The following MYBPHL variants were observed in gnomAD, a reference collection of about 807,000 sequenced individuals.
MYBPHL encodes myosin-binding protein H-like.
In MYBPHL, 32 loss-of-function variants were observed where a neutral mutation model predicts 39.5. The observed-to-expected ratio is 0.81, with a 90% CI of 0.61 to 1.09. MYBPHL has a LOEUF of 1.09. Ranked by LOEUF, MYBPHL falls within the 50% of genes least tolerant of loss-of-function variation. The pLI is 0.00. For missense variants in MYBPHL, 456 were observed against 460.2 expected (o/e 0.99, Z 0.08); for synonymous variants, 196 against 183.7 (o/e 1.07, Z -0.54).
intron 1 of MYBPHL, among the ~76,000 whole-genome samples, chr1:109,305,455 C>T (rs768813805): frequency 2.0e-5 from 3 of 152,144 alleles, no homozygotes; most frequent in Non-Finnish European, 4.4e-5. Flanking sequence ...TTTGCGGGCC[C>T]GTGACTGGGG....
At chr1:109,295,411 G>C in intron 6 of MYBPHL, 114 bp from the exon 7 acceptor site, 3 of 947,234 alleles carry the variant, frequency 3.2e-6, no homozygotes, top group Non-Finnish European at 4.6e-6. Flanking sequence ...TTTCTGGAAG[G>C]CTCCCTGTTC....
intron 6 of MYBPHL, among the ~76,000 whole-genome samples, chr1:109,295,895 G>A (rs997336793): frequency 3.9e-5 from 6 of 152,146 alleles, no homozygotes; most frequent in Admixed American, 3.3e-4. Context: ...GCATGTGCAC[G>A]GCCCTGATGG....
intron 1 of MYBPHL, among the ~76,000 whole-genome samples, chr1:109,299,981 C>T (rs150166776): frequency 6.6e-5 from 10 of 152,312 alleles, no homozygotes; most frequent in African/African-American, 2.4e-4. Flanking sequence ...AAAAGAGGGC[C>T]GTACTTGGAA....
intron 1 of MYBPHL, among the ~76,000 whole-genome samples, chr1:109,301,124 G>C (rs56218586): frequency 0.045 from 6,911 of 152,266 alleles, 188 homozygotes; most frequent in Non-Finnish European, 0.062. Context: ...CTCATTTGAG[G>C]CATCTCTTTT....
chr1:109,295,024 G>T (rs1658005270), intron 7 of MYBPHL, 87 bp downstream of exon 7: 2 of 1,392,368 alleles, frequency 1.4e-6, no homozygotes, highest in Admixed American at 1.9e-5. Context: ...CTCCCCCTAG[G>T]CTTGCGTCTC....
At position 109,298,367 on chromosome 1, in the gene MYBPHL, C is replaced by T. The variant is rs1046438003; in HGVS notation, c.146-110G>A. 2.7e-5 allele frequency: 25 copies of T among 940,284 alleles called. No homozygotes were observed. In the African/African-American group the frequency reaches 3.0e-4, roughly 11 times the overall value. The allele number at this position is 940,284 out of a possible 1,614,324, so 58.2% of individuals were successfully genotyped here. A position where few individuals can be genotyped will look rare whatever the true frequency, so the allele number is the denominator to read the frequency against. On this transcript the variant is annotated intron_variant, in intron 1 of 8. Transcript: ENST00000357155. ...CCCAGGAATCGGTCACCAAATTAAG[C>T]CCTTCTTAGAGGGGAGGGGAAGAGT...
intron 2 of MYBPHL, 144 bp downstream of exon 2, chr1:109,298,025 G>C: frequency 1.5e-6 from 1 of 679,584 alleles, no homozygotes; most frequent in Non-Finnish European, 2.5e-6. Context: ...AGGTCATTTG[G>C]CCTCAGACTT....
chr1:109,298,037 T>C, intron 2 of MYBPHL, 132 bp downstream of exon 2: 2 of 757,764 alleles, frequency 2.6e-6, no homozygotes, highest in South Asian at 1.9e-5. Context: ...CTCAGACTTC[T>C]GGTGGTGTGA....
chr1:109,294,340 A>G (rs532275218), intron 7 of MYBPHL, 91 bp from the exon 8 acceptor site: 181 of 1,318,056 alleles, frequency 1.4e-4, no homozygotes, highest in Non-Finnish European at 1.9e-4. Context: ...ATTCTATTTC[A>G]GGTTCTTGGG....
intron 6 of MYBPHL, 107 bp downstream of exon 6, chr1:109,296,127 G>T: frequency 1.4e-6 from 2 of 1,404,694 alleles, no homozygotes; most frequent in Non-Finnish European, 1.9e-6. Flanking sequence ...GCAGATGGCG[G>T]TGATGGTAAC....
In MYBPHL at chr1:109,297,049, C is replaced by G; in HGVS notation, c.570+1G>C. On this transcript the variant is annotated splice_donor_variant, in intron 4 of 8. Transcript: ENST00000357155. LOFTEE classifies it high-confidence loss of function. ...CCTCCTTCCTTCCCAGCTGGCCTCA[C>G]CCCGGATTTTGTGTCAGCCTTCTGC... 6.2e-7 allele frequency: 1 copy of G among 1,614,168 alleles called. No homozygotes were observed. Among genetic ancestry groups the G allele is most frequent in the Non-Finnish European group, 8.5e-7 (1 of 1,180,022 alleles).
At chr1:109,296,590 C>A (rs910928864) in intron 5 of MYBPHL, among the ~76,000 whole-genome samples, 193 bp downstream of exon 5, 3 of 152,118 alleles carry the variant, frequency 2.0e-5, no homozygotes, top group African/African-American at 7.2e-5. Context: ...AGGCGTGCAC[C>A]ACCATGCCTG....
At chr1:109,293,123 T>C (rs949613867) in intron 8 of MYBPHL, 44 of 152,292 alleles carry the variant, frequency 2.9e-4, no homozygotes, top group Admixed American at 4.6e-4. Flanking sequence ...TTTTTTACCA[T>C]GCTCATGATC....
chr1:109,297,556 A>C lies in MYBPHL; in HGVS notation c.296T>G (p.Val99Gly). The change falls in exon 3 of 9, where the codon GTG becomes GGG. Residue 99 changes from valine to glycine, a missense_variant. Coordinates refer to ENST00000357155, the MANE Select transcript of MYBPHL (RefSeq NM_001010985.3). ...GTCTTGCTCCCCATTCCGCACACTC[A>C]CACGCCTGGTGTCCAAGGCACAGCC... ...HDGCALDTRR[V>G]SVRNGEQDSI... 6.2e-7 allele frequency: 1 copy of C among 1,613,818 alleles called. No homozygotes were observed. The highest frequency in any genetic ancestry group is 2.2e-5 in the East Asian group (1 of 44,868).
chr1:109,295,350 TA>T (rs1658024567), intron 6 of MYBPHL, 53 bp from the exon 7 acceptor site: 8 of 1,525,590 alleles, frequency 5.2e-6, no homozygotes, highest in Non-Finnish European at 7.2e-6. Flanking sequence ...TAAGAACCAA[TA>T]GTCTTTCTGT....
intron 1 of MYBPHL, among the ~76,000 whole-genome samples, chr1:109,303,079 G>A (rs557568048): frequency 3.3e-4 from 50 of 152,332 alleles, no homozygotes; most frequent in African/African-American, 1.1e-3. Flanking sequence ...AGAACTATCT[G>A]CAGAATAGTT....
At position 109,295,211 on chromosome 1, in the gene MYBPHL, T is replaced by C; in HGVS notation, c.954A>G (p.Leu318=). ...CAAAGGGACCCGGCTTGCGGATCTC[T>C]AGGGAGCAGATTCCCAGGTGAGTCA... ...RALTHLGICS[L]EIRKPGPFDG... The change falls in exon 7 of 9, where the codon CTA becomes CTG. Residue 318 remains leucine (L), a synonymous_variant. Coordinates refer to ENST00000357155, the MANE Select transcript of MYBPHL (RefSeq NM_001010985.3). 2 of 1,614,116 alleles carry C rather than the reference T, an allele frequency of 1.2e-6. No individual in the cohort carries two copies. Among genetic ancestry groups the C allele is most frequent in the Non-Finnish European group, 1.7e-6 (2 of 1,179,972 alleles).
At chr1:109,305,230 T>C (rs577755388) in intron 1 of MYBPHL, among the ~76,000 whole-genome samples, 1 of 152,356 alleles carries the variant, frequency 6.6e-6, no homozygotes, top group African/African-American at 2.4e-5. Flanking sequence ...TGGGAGTGGA[T>C]TGACTTGCCT....
intron 1 of MYBPHL, among the ~76,000 whole-genome samples, chr1:109,304,646 G>A (rs766638639): frequency 5.9e-5 from 9 of 152,184 alleles, no homozygotes; most frequent in Non-Finnish European, 1.0e-4. Flanking sequence ...AGGAGGCCGA[G>A]TGTCACATTG....
Sources: gnomAD v4.1 joint callset for allele counts (sites outside exome capture counted in the v4.1 genomes callset) on GRCh38, gnomAD v4.1.1 for gene constraint, MANE v1.5 for transcripts, NCBI Gene and HGNC (gene_info 2026-07-23, HGNC 2026-07-21) for gene names.